YAF2: variants seen among roughly 807,000 people sequenced by gnomAD.
The protein encoded by YAF2 is YY1-associated factor 2.
YAF2 carries 7 observed loss-of-function variants against 20.1 expected under a neutral mutation model. The ratio of observed to expected loss-of-function variants is 0.35; its 90% CI spans 0.20 to 0.65. The LOEUF is 0.65. Among genes scored for constraint, YAF2 ranks in the 30% least tolerant of loss-of-function variants. The probability of loss-of-function intolerance (pLI) is 0.69; values close to 1 mark genes in which losing one functional copy is unlikely to be tolerated. For missense variants in YAF2, 151 were observed against 219.2 expected, an observed-to-expected ratio of 0.69 and a Z score of 1.96; for synonymous variants, 74 against 76.0, an observed-to-expected ratio of 0.97 and a Z score of 0.14.
chr12:42,238,133 C>G, intron 1 of YAF2, 22 bp downstream of exon 1: 1 of 1,534,484 alleles, frequency 6.5e-7, no homozygotes, highest in Non-Finnish European at 8.8e-7. Context: ...CAGTCCGGGC[C>G]CCGGGGCCCG....
intron 2 of YAF2, among the ~76,000 whole-genome samples, chr12:42,176,037 A>G (rs1238404875): frequency 6.6e-6 from 1 of 152,058 alleles, no homozygotes; most frequent in African/African-American, 2.4e-5. Context: ...ACTTGAGGTC[A>G]GCAGTTCAAG....
intron 2 of YAF2, among the ~76,000 whole-genome samples, chr12:42,202,016 T>C (rs1328636434): frequency 6.6e-6 from 1 of 152,240 alleles, no homozygotes; most frequent in East Asian, 1.9e-4. Context: ...TCATCTATAC[T>C]ATCCTCTTTT....
Position 42,233,345 on chromosome 12 carries a change from C to T in YAF2, c.152+4254G>A, listed in dbSNP as rs73114491. 7,161 of 985,194 alleles carry T rather than the reference C, an allele frequency of 7.3e-3. 36 individuals carry two copies. The highest frequency in any genetic ancestry group is 8.0e-3 in the Non-Finnish European group (6,632 of 829,772). 61.0% of individuals were successfully genotyped at this position (985,194 alleles called of 1,614,324 possible). A position where few individuals can be genotyped will look rare whatever the true frequency, so the allele number is the denominator to read the frequency against. The stretch of plus-strand genomic sequence containing the variant: ...TTGAAACCCAAACCAATAATTCTAT[C>T]ATTTTCATTTCTAAATATTTGCTAT... On this transcript the variant is annotated intron_variant, in intron 2 of 3. Coordinates refer to ENST00000534854, the MANE Select transcript of YAF2 (RefSeq NM_005748.6).
intron 2 of YAF2, among the ~76,000 whole-genome samples, chr12:42,182,414 T>A (rs2066367432): frequency 6.6e-6 from 1 of 152,110 alleles, no homozygotes; most frequent in African/African-American, 2.4e-5. Context: ...TTACAGACAA[T>A]CTATTTGAGA....
At chr12:42,193,101 G>C (rs547440146) in intron 2 of YAF2, among the ~76,000 whole-genome samples, 1 of 152,198 alleles carries the variant, frequency 6.6e-6, no homozygotes, top group Admixed American at 6.5e-5. Context: ...GATCACTAGA[G>C]GCCAGGAGTT....
chr12:42,205,348 G>A (rs564915257), intron 2 of YAF2, among the ~76,000 whole-genome samples: 5 of 150,964 alleles, frequency 3.3e-5, no homozygotes, highest in South Asian at 2.1e-4. Context: ...GACTGATCAC[G>A]ACATTGTTTT....
At chr12:42,179,358 T>C (rs1267089233) in intron 2 of YAF2, among the ~76,000 whole-genome samples, 1 of 152,174 alleles carries the variant, frequency 6.6e-6, no homozygotes, top group Non-Finnish European at 1.5e-5. Flanking sequence ...TAATCTCAGC[T>C]ACTCAGGAGG....
intron 2 of YAF2, among the ~76,000 whole-genome samples, chr12:42,172,968 C>T (rs146789600): frequency 2.3e-4 from 35 of 152,052 alleles, no homozygotes; most frequent in Non-Finnish European, 4.9e-4. Flanking sequence ...AGGAAGTAGA[C>T]CTGTGGTTGC....
chr12:42,198,047 T>G lies in YAF2; in HGVS notation c.153-36282A>C, dbSNP rs17091040. 8.0e-3 allele frequency among the ~76,000 whole-genome samples: 1,210 copies of G among 152,200 alleles called. 40 individuals carry two copies. The East Asian group carries it at 0.1, about 13-fold the overall frequency. ...AAAAAAATCAGTTAATTTGAAAACC[T>G]CTAAGCAATTAGTATCTAGGGAAAG... On this transcript the variant is annotated intron_variant, in intron 2 of 3. Coordinates refer to ENST00000534854, the MANE Select transcript of YAF2 (RefSeq NM_005748.6).
At chr12:42,231,494 C>T (rs1362317946) in intron 2 of YAF2, 1 of 152,130 alleles carries the variant, frequency 6.6e-6, no homozygotes, top group Non-Finnish European at 1.5e-5. Context: ...TTCTTTGATA[C>T]TACATAAAAA....
At chr12:42,190,355 A>G (rs1303241441) in intron 2 of YAF2, among the ~76,000 whole-genome samples, 1 of 152,242 alleles carries the variant, frequency 6.6e-6, no homozygotes, top group Non-Finnish European at 1.5e-5. Flanking sequence ...CAAAAAAATA[A>G]ACAATAAAAT....
chr12:42,223,683 C>T (rs1238263358), intron 2 of YAF2, among the ~76,000 whole-genome samples: 1 of 151,896 alleles, frequency 6.6e-6, no homozygotes, highest in Non-Finnish European at 1.5e-5. Context: ...TTAATAATGG[C>T]CACATGCAGC....
intron 2 of YAF2, among the ~76,000 whole-genome samples, chr12:42,215,501 T>C (rs2067327258): frequency 6.6e-6 from 1 of 152,236 alleles, no homozygotes; most frequent in African/African-American, 2.4e-5. Flanking sequence ...TGTGCTGTGA[T>C]TTGCTTGGCT....
chr12:42,198,986 C>G (rs2066828979), intron 2 of YAF2: 1 of 365,254 alleles, frequency 2.7e-6, no homozygotes, highest in Non-Finnish European at 5.0e-6. Flanking sequence ...AAAGACTTTA[C>G]AGTGCAATTC....
chr12:42,184,303 A>T (rs114734406), intron 2 of YAF2, among the ~76,000 whole-genome samples: 1,543 of 152,056 alleles, frequency 0.01, 28 homozygotes, highest in African/African-American at 0.036. Flanking sequence ...AACTTTAAAG[A>T]CTTATTATTA....
At chr12:42,232,811 A>C in intron 2 of YAF2, 1 of 985,432 alleles carries the variant, frequency 1.0e-6, no homozygotes. Context: ...CTTACTTTTA[A>C]AAGAAGCTGA....
intron 2 of YAF2, among the ~76,000 whole-genome samples, chr12:42,177,507 C>G (rs2137029911): frequency 6.6e-6 from 1 of 152,302 alleles, no homozygotes; most frequent in Middle Eastern, 3.4e-3. Context: ...CCTCTTCTTA[C>G]AAGGCCACCA....
At position 42,159,997 on chromosome 12, in the gene YAF2, A is replaced by AT. The variant is rs1361726364; in HGVS notation, c.*591dup. 6.6e-6 allele frequency: 1 copy of AT among 152,624 alleles called. No homozygotes were observed. The highest frequency in any genetic ancestry group is 6.5e-5 in the Admixed American group (1 of 15,268). 9.5% of individuals were successfully genotyped at this position (152,624 alleles called of 1,614,324 possible). ...TCAAAAAATAGATAAAACCAGAAAC[A>AT]TAATTCAGGAACAATAATTAGTAAA... is the stretch of plus-strand genomic sequence containing the variant. On this transcript the variant is annotated 3_prime_UTR_variant, in exon 4 of 4. Coordinates refer to ENST00000534854, the MANE Select transcript of YAF2 (RefSeq NM_005748.6).
At chr12:42,232,961 G>A (rs2068026863) in intron 2 of YAF2, 4 of 985,362 alleles carry the variant, frequency 4.1e-6, no homozygotes, top group Non-Finnish European at 4.8e-6. Flanking sequence ...CACATATAGA[G>A]CTTGGTACAG....
Sources: allele counts gnomAD v4.1 joint callset (sites outside exome capture counted in the v4.1 genomes callset), GRCh38; gene constraint gnomAD v4.1.1; transcripts MANE v1.5; gene names NCBI Gene and HGNC (gene_info 2026-07-23, HGNC 2026-07-21).